Variants in WNT3 observed in about 807,000 individuals in gnomAD.
WNT3 encodes proto-oncogene Wnt-3.
WNT3 carries 7 observed loss-of-function variants against 34.2 expected under a neutral mutation model. That is an observed-to-expected ratio of 0.20 (90% CI 0.12 to 0.38). The LOEUF (loss-of-function observed/expected upper bound fraction) is 0.38. Ranked by LOEUF, WNT3 falls within the 10% of genes least tolerant of loss-of-function variation. The pLI is 1.00. For missense variants in WNT3, 267 were observed against 499.8 expected (o/e 0.53, Z 4.44); for synonymous variants, 212 against 211.5 (o/e 1.00, Z -0.02).
At chr17:46,790,557 G>A (rs2083971391) in intron 1 of WNT3, among the ~76,000 whole-genome samples, 1 of 152,004 alleles carries the variant, frequency 6.6e-6, no homozygotes, top group Non-Finnish European at 1.5e-5. Flanking sequence ...TGGGTCCTCT[G>A]CCCTCCCCCT....
At position 46,768,212 on chromosome 17, in the gene WNT3, CT is replaced by C; in HGVS notation, c.*8+99del. 6.5e-7 allele frequency: 1 copy of C among 1,546,572 alleles called. No homozygotes were observed. The stretch of plus-strand genomic sequence containing the variant: ...GTGGGAACTTGTGTGTCTTGGATAG[CT>C]TAGAAACAGAAGGGGGTCGTCAAGA... On this transcript the variant is annotated intron_variant, in intron 4 of 4. Transcript: ENST00000225512. This position sits in a 1 kb window ranked among gnomAD's most constrained non-coding sequence, Gnocchi z 5.0.
intron 4 of WNT3, among the ~76,000 whole-genome samples, chr17:46,764,833 C>T (rs1333138932): frequency 2.0e-5 from 3 of 152,152 alleles, no homozygotes; most frequent in South Asian, 2.1e-4. Context: ...GTAAGGCTTT[C>T]GAGTCCACAG....
At position 46,773,564 on chromosome 17, in the gene WNT3, C is replaced by T. The variant is rs966919517; in HGVS notation, c.322+104G>A. ...CAAATTTATCACCCTCCCAGAGGGA[C>T]CCTGGCTTCAGAGAAGAGGCACCCT... is the stretch of plus-strand genomic sequence containing the variant. On this transcript the variant is annotated intron_variant, in intron 2 of 4. Transcript: ENST00000225512. The T allele has an allele frequency of 8.3e-6, 11 of 1,318,156 alleles. 1 individual carries two copies. The Admixed American group carries it at 2.6e-4, about 32-fold the overall frequency. 81.7% of individuals were successfully genotyped at this position (1,318,156 alleles called of 1,614,324 possible).
intron 1 of WNT3, among the ~76,000 whole-genome samples, chr17:46,809,638 C>G (rs1316051759): frequency 6.6e-6 from 1 of 152,230 alleles, no homozygotes; most frequent in African/African-American, 2.4e-5. Context: ...TTTGCCCTCG[C>G]CCCCCTCACC....
At chr17:46,792,439 A>G (rs2083999375) in intron 1 of WNT3, among the ~76,000 whole-genome samples, 1 of 152,206 alleles carries the variant, frequency 6.6e-6, no homozygotes, top group Admixed American at 6.5e-5. Context: ...TAAGTAAGGT[A>G]GTAAGGAGCC....
At chr17:46,789,290 G>T (rs964128002) in intron 1 of WNT3, among the ~76,000 whole-genome samples, 1 of 152,154 alleles carries the variant, frequency 6.6e-6, no homozygotes, top group Non-Finnish European at 1.5e-5. Flanking sequence ...CTTATTCTAT[G>T]CTCTTCAGAA....
chr17:46,769,047 C>T (rs916196926), intron 3 of WNT3, among the ~76,000 whole-genome samples: 2 of 152,138 alleles, frequency 1.3e-5, no homozygotes, highest in Non-Finnish European at 2.9e-5. Context: ...GAGTTGTTGC[C>T]CAGGCGCGGT....
intron 1 of WNT3, among the ~76,000 whole-genome samples, chr17:46,779,934 T>G (rs1004864635): frequency 6.6e-6 from 1 of 152,140 alleles, no homozygotes; most frequent in Admixed American, 6.5e-5. Context: ...AATTTTTGTA[T>G]TTTCAGTAGA....
chr17:46,815,156 A>G (rs1198295939), intron 1 of WNT3, among the ~76,000 whole-genome samples: 1 of 152,050 alleles, frequency 6.6e-6, no homozygotes, highest in Non-Finnish European at 1.5e-5. Context: ...CTAATAACAT[A>G]GGTTCATCCC....
At chr17:46,778,446 C>A (rs1369869796) in intron 1 of WNT3, among the ~76,000 whole-genome samples, 1 of 152,146 alleles carries the variant, frequency 6.6e-6, no homozygotes, top group Non-Finnish European at 1.5e-5. Context: ...AGCTCCTGGG[C>A]CAGTGTCGGA....
rs900852941 is a variant in WNT3, at chr17:46,798,103, A to C, written c.80+20415T>G. On this transcript the variant is annotated intron_variant, in intron 1 of 4. Transcript: ENST00000225512. ...GCTAACACACCCAGCTAATTTTTGT[A>C]TTTTTAGTAGAGATGGGGCTTCACC... is the stretch of plus-strand genomic sequence containing the variant. Among the ~76,000 whole-genome samples the C allele has an allele frequency of 3.9e-5, 6 of 152,128 alleles. No homozygotes were observed. The East Asian group carries it at 1.2e-3, about 29-fold the overall frequency.
At chr17:46,815,937 C>CA (rs1447275976) in intron 1 of WNT3, among the ~76,000 whole-genome samples, 1 of 152,184 alleles carries the variant, frequency 6.6e-6, no homozygotes, top group Non-Finnish European at 1.5e-5. Context: ...CTGGGCCCAG[C>CA]ACCTGGGGAC....
intron 1 of WNT3, among the ~76,000 whole-genome samples, chr17:46,814,653 C>T (rs2084318182): frequency 6.6e-6 from 1 of 152,210 alleles, no homozygotes; most frequent in Non-Finnish European, 1.5e-5. Context: ...CCCAGCCAGC[C>T]CAGCCCCAGC....
At chr17:46,781,782 T>C (rs430685) in intron 1 of WNT3, among the ~76,000 whole-genome samples, 127,635 of 151,740 alleles carry the variant, frequency 0.84, 53,984 homozygotes, top group East Asian at 1. Context: ...CAACTTCGCA[T>C]CTAGAGCCCC....
chr17:46,801,318 C>A (rs369589181), intron 1 of WNT3, among the ~76,000 whole-genome samples: 2 of 152,196 alleles, frequency 1.3e-5, no homozygotes, highest in East Asian at 3.9e-4. Flanking sequence ...CTAATTAGAC[C>A]GTTTAAAAAT....
rs1257845354 is a variant in WNT3 at position 46,768,032 on chromosome 17, T to C, written c.*8+280A>G. Reference sequence around the variant, plus strand: ...CGAACTCCTGACCTCAGGTGATCCGTCCACCTCGGCCTCCCAAAGTGCTGG... The same window carrying C: ...CGAACTCCTGACCTCAGGTGATCCGCCCACCTCGGCCTCCCAAAGTGCTGG... On this transcript the variant is annotated intron_variant, in intron 4 of 4. Coordinates refer to ENST00000225512, the MANE Select transcript of WNT3 (RefSeq NM_030753.5). The surrounding 1 kb of genome is among the most constrained non-coding windows in gnomAD (Gnocchi z 5.0). Among the ~76,000 whole-genome samples the C allele has an allele frequency of 6.6e-6, 1 of 152,036 alleles. No individual in the cohort carries two copies. The highest frequency in any genetic ancestry group is 1.5e-5 in the Non-Finnish European group (1 of 68,000).
intron 1 of WNT3, among the ~76,000 whole-genome samples, chr17:46,800,225 C>T (rs1392115649): frequency 6.6e-6 from 1 of 152,180 alleles, no homozygotes; most frequent in East Asian, 1.9e-4. Flanking sequence ...ATTCTCCTGC[C>T]TTAGCCTCCC....
rs1384831883 is a variant in WNT3 at position 46,762,554 on chromosome 17, C to T, written c.*2076G>A. On this transcript the variant is annotated 3_prime_UTR_variant, in exon 5 of 5. Coordinates refer to ENST00000225512, the MANE Select transcript of WNT3 (RefSeq NM_030753.5). ...TTAATGACTTAACAGAAAAAAACTGCATGATGAAATATATTTTCTCCAAAT... is the reference window on the plus strand; with the variant it reads ...TTAATGACTTAACAGAAAAAAACTGTATGATGAAATATATTTTCTCCAAAT... The T allele has an allele frequency of 6.6e-6, 1 of 150,766 alleles. No individual in the cohort carries two copies. The highest frequency in any genetic ancestry group is 1.5e-5 in the Non-Finnish European group (1 of 67,802). 9.3% of individuals were successfully genotyped at this position (150,766 alleles called of 1,614,324 possible). A position where few individuals can be genotyped will look rare whatever the true frequency, so the allele number is the denominator to read the frequency against.
chr17:46,815,841 C>G (rs963509561), intron 1 of WNT3, among the ~76,000 whole-genome samples: 2 of 152,140 alleles, frequency 1.3e-5, no homozygotes, highest in African/African-American at 4.8e-5. Flanking sequence ...CCCTCCAGGC[C>G]CATGGCTGCC....
Sources: allele counts gnomAD v4.1 joint callset (sites outside exome capture counted in the v4.1 genomes callset), GRCh38; gene constraint gnomAD v4.1.1; non-coding constraint Gnocchi (gnomAD v3.1); transcripts MANE v1.5; gene names NCBI Gene and HGNC (gene_info 2026-07-23, HGNC 2026-07-21).